Variants in CSMD3 observed in about 807,000 individuals in gnomAD.
The protein encoded by CSMD3 is CUB and Sushi multiple domains 3, also known as CUB and sushi domain-containing protein 3.
A neutral mutation model predicts 435.2 loss-of-function variants in CSMD3; 177 were observed. The observed-to-expected ratio is 0.41, with a 90% CI of 0.36 to 0.46. The LOEUF (loss-of-function observed/expected upper bound fraction) is 0.46. Among genes scored for constraint, CSMD3 ranks in the 20% least tolerant of loss-of-function variants. The pLI, the probability that CSMD3 is intolerant of heterozygous loss-of-function variation, is 0.34. For synonymous variants in CSMD3, 1,656 were observed against 1,520.5 expected (o/e 1.09, Z -2.07); for missense variants, 4,265 against 4,504.6 (o/e 0.95, Z 1.52).
At chr8:112,869,174 A>C (rs986966834) in intron 10 of CSMD3, among the ~76,000 whole-genome samples, 1 of 152,152 alleles carries the variant, frequency 6.6e-6, no homozygotes, top group African/African-American at 2.4e-5. Context: ...TTAGCTATTA[A>C]ATTTTAAAAT....
intron 13 of CSMD3, among the ~76,000 whole-genome samples, chr8:112,720,319 T>G (rs1161472817): frequency 6.6e-6 from 1 of 151,716 alleles, no homozygotes; most frequent in Non-Finnish European, 1.5e-5. Context: ...TCTTTTCTTT[T>G]CTTTTCTTTT....
At chr8:112,309,027 C>G (rs1821708376) in intron 50 of CSMD3, among the ~76,000 whole-genome samples, 1 of 151,892 alleles carries the variant, frequency 6.6e-6, no homozygotes, top group Non-Finnish European at 1.5e-5. Flanking sequence ...TAGAAAAGAT[C>G]AATTTTTGGA....
intron 1 of CSMD3, among the ~76,000 whole-genome samples, chr8:113,406,506 T>G (rs1381012644): frequency 6.6e-6 from 1 of 152,016 alleles, no homozygotes; most frequent in Non-Finnish European, 1.5e-5. Flanking sequence ...ATGTAAATAA[T>G]GGCATAGCAG....
chr8:113,291,715 A>T (rs1475578041), intron 2 of CSMD3, among the ~76,000 whole-genome samples: 1 of 151,886 alleles, frequency 6.6e-6, no homozygotes, highest in Non-Finnish European at 1.5e-5. Context: ...ATAGAGAAAT[A>T]TGTTATTGAC....
chr8:112,353,036 T>A (rs1337452978), intron 38 of CSMD3, among the ~76,000 whole-genome samples: 1 of 152,194 alleles, frequency 6.6e-6, no homozygotes, highest in African/African-American at 2.4e-5. Flanking sequence ...CTTCTTATTA[T>A]ATGTAAAATT....
intron 1 of CSMD3, among the ~76,000 whole-genome samples, chr8:113,320,415 G>A (rs1034836330): frequency 2.0e-5 from 3 of 151,954 alleles, no homozygotes; most frequent in Non-Finnish European, 2.9e-5. Context: ...TTACTATTCA[G>A]CAAGAAATAA....
At chr8:112,438,756 G>A (rs935264357) in intron 32 of CSMD3, among the ~76,000 whole-genome samples, 8 of 152,130 alleles carry the variant, frequency 5.3e-5, no homozygotes, top group African/African-American at 1.9e-4. Flanking sequence ...CAACAGGAAA[G>A]ACTCATAAAA....
Position 112,244,485 on chromosome 8 carries a change from G to A in CSMD3, c.10311C>T (p.Thr3437=), listed in dbSNP as rs751007719. The A allele has an allele frequency of 2.3e-5, 37 of 1,613,654 alleles. No individual in the cohort carries two copies. Among genetic ancestry groups the A allele is most frequent in the Non-Finnish European group, 3.1e-5 (37 of 1,179,622 alleles). ...CTGCTAAGAAGAAGCCAGGCTGACA[G>A]GTATAAATCAGTGTATACCCATGAG... The part of the protein sequence containing the change: ...LPSHGYTLIY[T]CQPGFFLAGG... The change falls in exon 65 of 71, where the codon ACC becomes ACT. Residue 3437 remains threonine (T), a synonymous_variant. Transcript: ENST00000297405.
At chr8:112,865,623 T>C (rs904121950) in intron 10 of CSMD3, among the ~76,000 whole-genome samples, 1 of 151,760 alleles carries the variant, frequency 6.6e-6, no homozygotes, top group Non-Finnish European at 1.5e-5. Flanking sequence ...CAGTATTCCA[T>C]ACAAGGCCTA....
intron 42 of CSMD3, 91 bp from the exon 43 acceptor site, chr8:112,337,822 A>G: frequency 1.2e-6 from 1 of 826,328 alleles, no homozygotes; most frequent in Non-Finnish European, 2.0e-6. Context: ...TTAAAAATAG[A>G]TGTGATGCTA....
At chr8:112,313,825 T>C (rs2130829180) in intron 49 of CSMD3, 81 bp downstream of exon 49, 1 of 1,136,678 alleles carries the variant, frequency 8.8e-7, no homozygotes, top group East Asian at 2.4e-5. Context: ...CATGTCTAAC[T>C]GAATAGTGTC....
intron 10 of CSMD3, among the ~76,000 whole-genome samples, chr8:112,879,749 G>A (rs61254463): frequency 1.3e-5 from 2 of 151,906 alleles, no homozygotes; most frequent in African/African-American, 4.8e-5. Context: ...GAAGTATCAG[G>A]TGCTGGTTCC....
At chr8:112,227,356 C>A (rs537446045) in intron 70 of CSMD3, among the ~76,000 whole-genome samples, 1 of 152,194 alleles carries the variant, frequency 6.6e-6, no homozygotes, top group South Asian at 2.1e-4. Context: ...AAAAAATATG[C>A]AGAATAAGCA....
intron 16 of CSMD3, among the ~76,000 whole-genome samples, chr8:112,681,275 A>T (rs992403152): frequency 6.6e-6 from 1 of 151,270 alleles, no homozygotes; most frequent in Non-Finnish European, 1.5e-5. Context: ...AATGGTCTCA[A>T]TCTCCTGATC....
intron 66 of CSMD3, among the ~76,000 whole-genome samples, chr8:112,241,196 C>T (rs1000117388): frequency 6.6e-6 from 1 of 151,764 alleles, no homozygotes; most frequent in African/African-American, 2.4e-5. Flanking sequence ...AATAATTTTT[C>T]CAAGGTCACA....
At chr8:112,662,388 T>A (rs548990034) in intron 17 of CSMD3, among the ~76,000 whole-genome samples, 8 of 152,178 alleles carry the variant, frequency 5.3e-5, no homozygotes, top group African/African-American at 1.9e-4. Flanking sequence ...AACTATCTGA[T>A]CTTTGACAAA....
chr8:113,173,077 G>C (rs2092294274), intron 4 of CSMD3, among the ~76,000 whole-genome samples: 1 of 152,066 alleles, frequency 6.6e-6, no homozygotes, highest in Non-Finnish European at 1.5e-5. Context: ...TTTAGACTCA[G>C]TCAATATTTC....
rs202230766 is a variant in CSMD3 at position 112,903,592 on chromosome 8, CT to C, written c.1633+18034del. Reference sequence around the variant, plus strand: ...AATTTTTGTTTTTTCAGAATTACCCCTGGAGCCTTTTTTTTAAGAAGAAAAA... The same window carrying C: ...AATTTTTGTTTTTTCAGAATTACCCCGGAGCCTTTTTTTTAAGAAGAAAAA... On this transcript the variant is annotated intron_variant, in intron 10 of 70. Coordinates refer to ENST00000297405, the MANE Select transcript of CSMD3 (RefSeq NM_198123.2). Among the ~76,000 whole-genome samples, 53 of 150,736 alleles carry C rather than the reference CT, an allele frequency of 3.5e-4. No homozygotes were observed. The East Asian group carries it at 9.6e-3, about 27-fold the overall frequency.
intron 25 of CSMD3, among the ~76,000 whole-genome samples, chr8:112,553,118 C>G (rs1254168118): frequency 6.6e-6 from 1 of 152,048 alleles, no homozygotes; most frequent in East Asian, 1.9e-4. Flanking sequence ...TTGAGAAAAA[C>G]TAATCTTTAC....
Sources: gnomAD v4.1 joint callset for allele counts (sites outside exome capture counted in the v4.1 genomes callset) on GRCh38, gnomAD v4.1.1 for gene constraint, MANE v1.5 for transcripts, NCBI Gene and HGNC (gene_info 2026-07-23, HGNC 2026-07-21) for gene names.